Variants in USP7 observed in about 807,000 individuals in gnomAD.
The protein encoded by USP7 is ubiquitin C-terminal hydrolase 7.
A neutral mutation model predicts 162.9 loss-of-function variants in USP7; 9 were observed. The ratio of observed to expected loss-of-function variants is 0.06; its 90% CI spans 0.03 to 0.10. USP7 has a LOEUF of 0.10. Among genes scored for constraint, USP7 ranks in the 10% least tolerant of loss-of-function variants. The pLI, the probability that USP7 is intolerant of heterozygous loss-of-function variation, is 1.00. For missense variants in USP7, 715 were observed against 1,373.7 expected (o/e 0.52, Z 7.58); for synonymous variants, 562 against 475.9 (o/e 1.18, Z -2.35).
chr16:8,903,973 G>A (rs1214992967), intron 15 of USP7, among the ~76,000 whole-genome samples: 1 of 152,058 alleles, frequency 6.6e-6, no homozygotes, highest in Non-Finnish European at 1.5e-5. Flanking sequence ...ACGGTGAGAT[G>A]ACCTCCTCCC....
At position 8,957,475 on chromosome 16, in the gene USP7, G is replaced by A. The variant is rs563020401; in HGVS notation, c.79+5732C>T. Among the ~76,000 whole-genome samples, 9 of 138,330 alleles carry A rather than the reference G, an allele frequency of 6.5e-5. No individual in the cohort carries two copies. The South Asian group carries it at 1.7e-3, about 27-fold the overall frequency. 90.7% of individuals were successfully genotyped at this position (138,330 alleles called of 152,430 possible). A position where few individuals can be genotyped will look rare whatever the true frequency, so the allele number is the denominator to read the frequency against. The stretch of plus-strand genomic sequence containing the variant: ...AAACCATAAACGGGCTGGGTGAGGT[G>A]GCTCACACCTATAATCCCAGTGCTT... On this transcript the variant is annotated intron_variant, in intron 1 of 30. Transcript: ENST00000344836.
Position 8,902,115 on chromosome 16 carries a change from T to C in USP7, c.2014A>G (p.Ser672Gly). The C allele has an allele frequency of 6.2e-7, 1 of 1,614,066 alleles. No individual in the cohort carries two copies. Among genetic ancestry groups the C allele is most frequent in the Non-Finnish European group, 8.5e-7 (1 of 1,180,002 alleles). ...TCAAACTTGGGTAAGGTCGCTCCAC[T>C]AGCAGCCAGCTCGGGATCAACTGTT... Reference protein sequence around the residue: ...LETVDPELAASGATLPKFDKD... With the variant: ...LETVDPELAAGGATLPKFDKD... Residue 672 changes from serine (S) to glycine (G), a missense_variant, in exon 18 of 31, where the codon AGT (serine) becomes GGT (glycine). This residue lies in a region of USP7 where 197 missense variants were observed against 306.5 expected (regional missense o/e 0.64). Transcript: ENST00000344836.
chr16:8,935,378 TTGTC>T (rs1381866892), intron 1 of USP7, among the ~76,000 whole-genome samples: 1 of 152,068 alleles, frequency 6.6e-6, no homozygotes, highest in Non-Finnish European at 1.5e-5. Context: ...CCCAGCTAAT[TTGTC>T]TGTATTTTTG....
chr16:8,899,303 A>G, intron 22 of USP7, 115 bp from the exon 23 acceptor site: 1 of 1,015,758 alleles, frequency 9.8e-7, no homozygotes, highest in Non-Finnish European at 1.5e-6. Flanking sequence ...ATTCCCTAGA[A>G]ATTTATTAAA....
chr16:8,914,892 CACA>C (rs1240076582), intron 10 of USP7, among the ~76,000 whole-genome samples: 4 of 152,288 alleles, frequency 2.6e-5, no homozygotes, highest in East Asian at 3.9e-4. Context: ...GCCTGTACAG[CACA>C]ACAAGACCCT....
chr16:8,936,030 A>G (rs957794547), intron 1 of USP7, among the ~76,000 whole-genome samples: 7 of 152,192 alleles, frequency 4.6e-5, no homozygotes, highest in African/African-American at 1.7e-4. Flanking sequence ...AGATTTATCA[A>G]TCCTCCCCCA....
At chr16:8,902,575 A>G in intron 16 of USP7, 93 bp from the exon 17 acceptor site, 3 of 963,420 alleles carry the variant, frequency 3.1e-6, no homozygotes, top group African/African-American at 1.7e-5. Context: ...ATATACATAT[A>G]TATATATAGT....
rs545224178 is a variant in USP7 at position 8,941,570 on chromosome 16, G to A, written c.80-11173C>T. Among the ~76,000 whole-genome samples, 331 of 152,344 alleles carry A rather than the reference G, an allele frequency of 2.2e-3. 1 individual carries two copies. Among genetic ancestry groups the A allele is most frequent in the Non-Finnish European group, 4.1e-3 (277 of 68,040 alleles). On this transcript the variant is annotated intron_variant, in intron 1 of 30. Coordinates refer to ENST00000344836, the MANE Select transcript of USP7 (RefSeq NM_003470.3). ...CATTTCGGCTTTTTTGTCCACGCACGATAGCAACATCAGAGTGTAAATAAG... is the reference window on the plus strand; with the variant it reads ...CATTTCGGCTTTTTTGTCCACGCACAATAGCAACATCAGAGTGTAAATAAG...
At position 8,895,081 on chromosome 16, in the gene USP7, T is replaced by G. The variant is rs1188556536; in HGVS notation, c.2989A>C (p.Lys997Gln). 1.9e-6 allele frequency: 3 copies of G among 1,614,256 alleles called. No individual in the cohort carries two copies. Residue 997 changes from lysine to glutamine, a missense_variant, in exon 28 of 31, where the codon AAA (lysine) becomes CAA (glutamine). Lys to Gln is a moderately conservative substitution (Grantham distance 53). Around this residue, in one of 11 missense-constraint regions of USP7, gnomAD observed 222 missense variants for 441.7 expected, o/e 0.50. Coordinates refer to ENST00000344836, the MANE Select transcript of USP7 (RefSeq NM_003470.3). Reference protein sequence around the residue: ...EMLVTVAHFHKEVFGTFGIPF... With the variant: ...EMLVTVAHFHQEVFGTFGIPF... The stretch of plus-strand genomic sequence containing the variant: ...ATTCCGAACGTTCCGAAGACCTCTT[T>G]GTGGAAATGCGCCACTGTGACAAGC...
intron 20 of USP7, 46 bp downstream of exon 20, chr16:8,900,944 A>C (rs201386037): frequency 4.3e-5 from 69 of 1,592,528 alleles, no homozygotes; most frequent in African/African-American, 1.4e-4. Flanking sequence ...AACCCTCCAC[A>C]AACTACTAAG....
chr16:8,952,899 C>T lies in USP7; in HGVS notation c.79+10308G>A, dbSNP rs1468854094. On this transcript the variant is annotated intron_variant, in intron 1 of 30. Transcript: ENST00000344836. Reference sequence around the variant, plus strand: ...TCGCCCAGGCTAGAGTGCACTGGCGCAATCTCGGCTCACTGCAACCTCCGC... The same window carrying T: ...TCGCCCAGGCTAGAGTGCACTGGCGTAATCTCGGCTCACTGCAACCTCCGC... Among the ~76,000 whole-genome samples the T allele has an allele frequency of 3.9e-5, 6 of 152,006 alleles. No homozygotes were observed. In the East Asian group the frequency reaches 7.8e-4, roughly 20 times the overall value.
intron 15 of USP7, 130 bp from the exon 16 acceptor site, chr16:8,903,532 A>C (rs2061810946): frequency 1.7e-6 from 2 of 1,199,966 alleles, no homozygotes; most frequent in South Asian, 3.5e-5. Flanking sequence ...CAGAAGACCA[A>C]TGAAGAAAAA....
At chr16:8,961,709 A>G (rs1193612430) in intron 1 of USP7, among the ~76,000 whole-genome samples, 1 of 152,230 alleles carries the variant, frequency 6.6e-6, no homozygotes, top group African/African-American at 2.4e-5. Flanking sequence ...ACCATTTGAA[A>G]AGGAAACTGA....
intron 1 of USP7, among the ~76,000 whole-genome samples, chr16:8,944,330 G>A (rs868349362): frequency 6.6e-6 from 1 of 152,146 alleles, no homozygotes; most frequent in Admixed American, 6.5e-5. Flanking sequence ...GAGTCAGGAG[G>A]AGGCCAGAGT....
intron 3 of USP7, among the ~76,000 whole-genome samples, 196 bp downstream of exon 3, chr16:8,923,019 T>A (rs1230344072): frequency 6.6e-6 from 1 of 152,204 alleles, no homozygotes; most frequent in Non-Finnish European, 1.5e-5. Flanking sequence ...AACAAACTAT[T>A]TTTAGTTTTT....
chr16:8,927,198 T>C (rs1318083359), intron 2 of USP7, among the ~76,000 whole-genome samples: 6 of 151,682 alleles, frequency 4.0e-5, no homozygotes, highest in Non-Finnish European at 7.4e-5. Flanking sequence ...GGCAAGCGCC[T>C]GTAGTCCCAG....
rs778044933 is a variant in USP7 at position 8,902,073 on chromosome 16, G to A, written c.2047+9C>T. On this transcript the variant is annotated intron_variant, in intron 18 of 30. Transcript: ENST00000344836. ...TCTAAGTGCAGGCAGGCGTCTCGTG[G>A]GCACTTACGATCTTTATCAAACTTG... The A allele has an allele frequency of 2.5e-5, 41 of 1,611,532 alleles. No homozygotes were observed. The highest frequency in any genetic ancestry group is 3.3e-5 in the Non-Finnish European group (39 of 1,177,864).
At chr16:8,897,831 C>T (rs1431928353) in intron 25 of USP7, among the ~76,000 whole-genome samples, 2 of 147,954 alleles carry the variant, frequency 1.4e-5, no homozygotes, top group African/African-American at 5.0e-5. Context: ...CCCAGGAGGT[C>T]TACGCTGTCG....
intron 2 of USP7, among the ~76,000 whole-genome samples, chr16:8,923,787 C>T (rs532374033): frequency 6.6e-5 from 10 of 152,262 alleles, no homozygotes; most frequent in East Asian, 5.8e-4. Context: ...AAGGACGGGA[C>T]TTCTGGGGGT....
Sources: allele counts gnomAD v4.1 joint callset (sites outside exome capture counted in the v4.1 genomes callset), GRCh38; gene constraint gnomAD v4.1.1; regional missense constraint gnomAD v4.1.1; transcripts MANE v1.5; gene names NCBI Gene and HGNC (gene_info 2026-07-23, HGNC 2026-07-21).